Variants in UBR4 observed in about 807,000 individuals in gnomAD.
UBR4 encodes the protein E3 ubiquitin-protein ligase UBR4.
In UBR4, 124 loss-of-function variants were observed where a neutral mutation model predicts 575.6. That is an observed-to-expected ratio of 0.22 (90% CI 0.19 to 0.25). The LOEUF is 0.25. Ranked by LOEUF, UBR4 falls within the 10% of genes least tolerant of loss-of-function variation. The probability of loss-of-function intolerance (pLI) is 1.00; values close to 1 mark genes in which losing one functional copy is unlikely to be tolerated. For synonymous variants in UBR4, 2,455 were observed against 2,473.7 expected (o/e 0.99, Z 0.22); for missense variants, 4,818 against 6,478.8 (o/e 0.74, Z 8.80).
At chr1:19,086,379 T>C (rs767272408) in intron 100 of UBR4, 109 bp from the exon 101 acceptor site, 28 of 1,370,902 alleles carry the variant, frequency 2.0e-5, no homozygotes, top group Non-Finnish European at 2.6e-5. Context: ...CACTAAGAAG[T>C]CAGTCGGCCC....
rs74056769 is a variant in UBR4, at chr1:19,162,618, G to A, written c.4765-7C>T. 2,979 of 1,603,898 alleles carry A rather than the reference G, an allele frequency of 1.9e-3. 43 individuals are homozygous for A. In the African/African-American group the frequency reaches 0.035, roughly 19 times the overall value. The stretch of plus-strand genomic sequence containing the variant: ...ACTCCAAGATCATCACATGCTGTAA[G>A]AGAAGCCCCACAGCAACTTCAGATT... On this transcript the variant is annotated splice_region_variant and splice_polypyrimidine_tract_variant and intron_variant, in intron 34 of 105. Transcript: ENST00000375254.
intron 11 of UBR4, 145 bp from the exon 12 acceptor site, chr1:19,187,685 C>T (rs769891181): frequency 4.8e-4 from 319 of 658,394 alleles, no homozygotes; most frequent in Non-Finnish European, 6.1e-4. Context: ...TACATACATA[C>T]ATCTGCATAT....
At chr1:19,206,312 A>G (rs953137089) in intron 1 of UBR4, among the ~76,000 whole-genome samples, 2 of 151,580 alleles carry the variant, frequency 1.3e-5, no homozygotes, top group Non-Finnish European at 2.9e-5. Flanking sequence ...ACTCCAGCCC[A>G]GCCAACAGAA....
intron 30 of UBR4, 81 bp from the exon 31 acceptor site, chr1:19,165,430 C>T: frequency 7.7e-7 from 1 of 1,300,502 alleles, no homozygotes; most frequent in South Asian, 1.3e-5. Context: ...ACAATCTCAT[C>T]TCCTCTGGGG....
At chr1:19,147,273 A>G (rs574849403) in intron 51 of UBR4, among the ~76,000 whole-genome samples, 1 of 152,356 alleles carries the variant, frequency 6.6e-6, no homozygotes, top group African/African-American at 2.4e-5. Flanking sequence ...CAGAACTGCT[A>G]GATTTCTTTC....
At chr1:19,178,305 G>A (rs751388781) in intron 18 of UBR4, among the ~76,000 whole-genome samples, 2 of 152,174 alleles carry the variant, frequency 1.3e-5, no homozygotes, top group Non-Finnish European at 2.9e-5. Context: ...TGCAAAAAAG[G>A]AATGAATGTA....
At chr1:19,156,475 C>A in intron 41 of UBR4, 52 bp from the exon 42 acceptor site, 1 of 1,589,254 alleles carries the variant, frequency 6.3e-7, no homozygotes, top group Non-Finnish European at 8.6e-7. Flanking sequence ...GAAAAGTGGG[C>A]TAATTCATTT....
intron 103 of UBR4, chr1:19,080,204 G>A (rs139000354): frequency 1.3e-5 from 2 of 152,290 alleles, no homozygotes; most frequent in African/African-American, 4.8e-5. Context: ...ATTAATTCAG[G>A]CTCTTGGGAA....
At chr1:19,075,186 A>C in intron 105 of UBR4, 1 of 417,770 alleles carries the variant, frequency 2.4e-6, no homozygotes, top group Non-Finnish European at 4.5e-6. Context: ...CAAAGTAATA[A>C]AGTGGTGCTG....
chr1:19,197,049 A>T (rs1251013846), intron 8 of UBR4, 92 bp downstream of exon 8: 3 of 1,457,824 alleles, frequency 2.1e-6, no homozygotes, highest in Non-Finnish European at 1.9e-6. Flanking sequence ...AGCAAGGGGG[A>T]TGAGTAGAGT....
chr1:19,112,572 G>A lies in UBR4; in HGVS notation c.11753C>T (p.Ala3918Val). 1.2e-6 allele frequency: 2 copies of A among 1,614,152 alleles called. No individual in the cohort carries two copies. Among genetic ancestry groups the A allele is most frequent in the Non-Finnish European group, 1.7e-6 (2 of 1,179,984 alleles). ...ELFDYNLRRG[A>V]AAMREEVRQL... ...GCGGACCTCCTCCCGCATGGCCGCA[G>A]CCCCTCGGCGAAGATTATAATCAAA... is the stretch of plus-strand genomic sequence containing the variant. Residue 3918 changes from alanine to valine, a missense_variant, in exon 78 of 106, where the codon GCT (alanine) becomes GTT (valine). By Grantham distance (64) the Ala-to-Val change is moderately conservative. Around this residue, in one of 29 missense-constraint regions of UBR4, gnomAD observed 333 missense variants for 459.2 expected, o/e 0.73. Coordinates refer to ENST00000375254, the MANE Select transcript of UBR4 (RefSeq NM_020765.3).
At chr1:19,084,758 G>C in intron 101 of UBR4, 60 bp from the exon 102 acceptor site, 1 of 1,510,978 alleles carries the variant, frequency 6.6e-7, no homozygotes, top group Non-Finnish European at 9.0e-7. Context: ...AACCCAGTTT[G>C]GGAGACAGAG....
intron 81 of UBR4, among the ~76,000 whole-genome samples, chr1:19,107,328 A>C (rs945201136): frequency 5.9e-5 from 9 of 152,110 alleles, no homozygotes; most frequent in Admixed American, 4.6e-4. Context: ...ACTGTCACTA[A>C]CCAGAAGCAG....
intron 73 of UBR4, among the ~76,000 whole-genome samples, chr1:19,116,609 C>G (rs992232380): frequency 5.3e-5 from 8 of 152,170 alleles, no homozygotes; most frequent in Non-Finnish European, 8.8e-5. Context: ...CCTTCAGTAG[C>G]AATGCCTGAG....
chr1:19,185,546 T>C (rs2091440626), intron 14 of UBR4, among the ~76,000 whole-genome samples: 1 of 151,272 alleles, frequency 6.6e-6, no homozygotes, highest in Non-Finnish European at 1.5e-5. Flanking sequence ...ATGTAAATTA[T>C]ACCCCAATAA....
At chr1:19,104,328 A>T (rs2078959940) in intron 86 of UBR4, 71 bp from the exon 87 acceptor site, 1 of 1,557,024 alleles carries the variant, frequency 6.4e-7, no homozygotes, top group Admixed American at 1.8e-5. Flanking sequence ...GTCTCAAAAG[A>T]TTATGAGCAA....
At chr1:19,115,098 A>G in intron 74 of UBR4, 149 bp from the exon 75 acceptor site, 1 of 1,272,240 alleles carries the variant, frequency 7.9e-7, no homozygotes. Context: ...TGACTTAAGC[A>G]GCCAGGTAAC....
Position 19,122,898 on chromosome 1 carries a change from G to A in UBR4, c.9751C>T (p.Leu3251Phe), listed in dbSNP as rs747995853. ...KKLLEEQGIF[L>F]RASVVTASSG... ...CTGGCTGTAACCACACTTGCCCGGA[G>A]GAATATCCCCTGCTCTTCTAGCAGC... is the stretch of plus-strand genomic sequence containing the variant. Residue 3251 changes from leucine (L) to phenylalanine (F), a missense_variant, in exon 66 of 106, where the codon CTC becomes TTC. By Grantham distance (22) the Leu-to-Phe change is conservative. Transcript: ENST00000375254. 1 of 1,614,246 alleles carries A rather than the reference G, an allele frequency of 6.2e-7. No individual in the cohort carries two copies. The highest frequency in any genetic ancestry group is 1.7e-5 in the Admixed American group (1 of 60,030).
At chr1:19,146,105 G>A (rs1316097371) in intron 52 of UBR4, 172 bp from the exon 53 acceptor site, 2 of 1,547,872 alleles carry the variant, frequency 1.3e-6, no homozygotes, top group Non-Finnish European at 1.7e-6. Context: ...GAAAAAAACA[G>A]TCTGGGAAAG....
Sources: allele counts gnomAD v4.1 joint callset (sites outside exome capture counted in the v4.1 genomes callset), GRCh38; gene constraint gnomAD v4.1.1; regional missense constraint gnomAD v4.1.1; transcripts MANE v1.5; gene names NCBI Gene and HGNC (gene_info 2026-07-23, HGNC 2026-07-21).